STAU2: variants seen among roughly 807,000 people sequenced by gnomAD.
STAU2 encodes double-stranded RNA-binding protein Staufen homolog 2.
STAU2 carries 20 observed loss-of-function variants against 65.9 expected under a neutral mutation model. The ratio of observed to expected loss-of-function variants is 0.30; its 90% CI spans 0.21 to 0.44. STAU2 has a LOEUF of 0.44. Ranked by LOEUF, STAU2 falls within the 20% of genes least tolerant of loss-of-function variation. STAU2 has a pLI of 1.00. For synonymous variants in STAU2, 232 were observed against 233.9 expected, an observed-to-expected ratio of 0.99 and a Z score of 0.07; for missense variants, 558 against 683.9, an observed-to-expected ratio of 0.82 and a Z score of 2.05.
intron 5 of STAU2, among the ~76,000 whole-genome samples, chr8:73,676,783 T>C (rs911329849): frequency 6.6e-6 from 1 of 151,986 alleles, no homozygotes; most frequent in African/African-American, 2.4e-5. Flanking sequence ...TTTAGTAAAG[T>C]TGGGGTTTCA....
At chr8:73,608,868 T>TA (rs1394447319) in intron 9 of STAU2, among the ~76,000 whole-genome samples, 1 of 150,930 alleles carries the variant, frequency 6.6e-6, no homozygotes, top group Non-Finnish European at 1.5e-5. Context: ...TGGGCACCTG[T>TA]AATCCCAGCT....
intron 13 of STAU2, among the ~76,000 whole-genome samples, chr8:73,508,335 TTG>T (rs764006803): frequency 1.4e-3 from 207 of 152,212 alleles, no homozygotes; most frequent in Non-Finnish European, 2.4e-3. Context: ...TTCAATATTG[TTG>T]TGTCTCAGGG....
At chr8:73,439,202 G>A in intron 13 of STAU2, 1 of 363,886 alleles carries the variant, frequency 2.7e-6, no homozygotes, top group East Asian at 7.6e-5. Flanking sequence ...GGGAAGACAT[G>A]TGCACAGCTG....
chr8:73,428,524 GCTA>G lies in STAU2; in HGVS notation c.1531-5825_1531-5823del, dbSNP rs59419054. Among the ~76,000 whole-genome samples, 1,078 of 152,256 alleles carry G rather than the reference GCTA, an allele frequency of 7.1e-3. 17 individuals are homozygous for G. The highest frequency in any genetic ancestry group is 0.025 in the African/African-American group (1,037 of 41,536). Reference sequence around the variant, plus strand: ...GATCCCAAAAGCACCATCACAGAGGGCTACTGAGAGCCAGGAAATGGAACTGTG... The same window carrying G: ...GATCCCAAAAGCACCATCACAGAGGGCTGAGAGCCAGGAAATGGAACTGTG... On this transcript the variant is annotated intron_variant, in intron 13 of 14. Coordinates refer to ENST00000524300, the MANE Select transcript of STAU2 (RefSeq NM_001164380.2).
intron 3 of STAU2, among the ~76,000 whole-genome samples, chr8:73,734,560 C>T (rs931304600): frequency 7.9e-5 from 12 of 152,066 alleles, no homozygotes; most frequent in Non-Finnish European, 1.5e-4. Flanking sequence ...CTTTGAAAGG[C>T]CAAGGCAGGC....
intron 12 of STAU2, among the ~76,000 whole-genome samples, chr8:73,582,403 TATAG>T (rs146282928): frequency 0.059 from 8,947 of 150,694 alleles, 294 homozygotes; most frequent in Middle Eastern, 0.12. Context: ...ATAATCAGCT[TATAG>T]ATAATTACTT....
At chr8:73,448,387 A>C (rs1818595026) in intron 13 of STAU2, among the ~76,000 whole-genome samples, 1 of 152,160 alleles carries the variant, frequency 6.6e-6, no homozygotes, top group Non-Finnish European at 1.5e-5. Flanking sequence ...AGGTGCAAGC[A>C]ATTATCTGCC....
intron 13 of STAU2, among the ~76,000 whole-genome samples, chr8:73,546,148 G>GTTTTTTTTTTTTTTTTTTTTTTTTTTTT (rs1563412799): frequency 3.4e-5 from 4 of 116,462 alleles, no homozygotes; most frequent in Non-Finnish European, 3.2e-5. Context: ...TTTTTTTTTG[G>GTTTTTTTTTTTTTTTTTTTTTTTTTTTT]TAGAGACAGA....
chr8:73,486,624 T>TATATAC (rs1458054334), intron 13 of STAU2, among the ~76,000 whole-genome samples: 1 of 144,988 alleles, frequency 6.9e-6, no homozygotes, highest in African/African-American at 2.5e-5. Flanking sequence ...TATATATATA[T>TATATAC]ATACACATTT....
intron 1 of STAU2, among the ~76,000 whole-genome samples, chr8:73,744,661 G>A (rs576167268): frequency 2.6e-5 from 4 of 152,148 alleles, no homozygotes; most frequent in African/African-American, 7.2e-5. Context: ...CTTCATTCCA[G>A]ACAAGCCAAG....
rs559952670 is a variant in STAU2 at position 73,454,406 on chromosome 8, A to G, written c.1531-31704T>C. Among the ~76,000 whole-genome samples the G allele has an allele frequency of 2.0e-5, 3 of 152,328 alleles. No individual in the cohort carries two copies. The East Asian group carries it at 5.8e-4, about 29-fold the overall frequency. ...AATTTTTACAATGTTAAGTGGGCCT[A>G]CCTTCAACTCACATAGTTACTTTTG... On this transcript the variant is annotated intron_variant, in intron 13 of 14. Coordinates refer to ENST00000524300, the MANE Select transcript of STAU2 (RefSeq NM_001164380.2).
intron 13 of STAU2, among the ~76,000 whole-genome samples, chr8:73,457,506 A>G (rs1819131754): frequency 6.6e-6 from 1 of 152,208 alleles, no homozygotes; most frequent in South Asian, 2.1e-4. Flanking sequence ...GTCACAAGGG[A>G]ATTTCATTTT....
chr8:73,549,597 C>G, intron 13 of STAU2: 1 of 968,810 alleles, frequency 1.0e-6, no homozygotes, highest in African/African-American at 1.8e-5. Flanking sequence ...AAAGTTAAAA[C>G]AACTTTGTTT....
intron 2 of STAU2, 140 bp downstream of exon 2, chr8:73,739,616 A>G: frequency 1.5e-6 from 1 of 667,220 alleles, no homozygotes. Context: ...TTTTCTTACA[A>G]TAGTGTCCTC....
intron 6 of STAU2, among the ~76,000 whole-genome samples, chr8:73,644,180 A>C (rs910937770): frequency 6.6e-6 from 1 of 152,380 alleles, no homozygotes; most frequent in Middle Eastern, 3.4e-3. Context: ...CTTCTAAAAT[A>C]ATCCAGGGGT....
chr8:73,449,820 C>T (rs1015505006), intron 13 of STAU2, among the ~76,000 whole-genome samples: 3 of 152,156 alleles, frequency 2.0e-5, no homozygotes, highest in South Asian at 2.1e-4. Flanking sequence ...GGGGGTGAGG[C>T]GGGGAGACAC....
At chr8:73,570,311 G>A (rs1467784384) in intron 12 of STAU2, among the ~76,000 whole-genome samples, 1 of 152,226 alleles carries the variant, frequency 6.6e-6, no homozygotes, top group Admixed American at 6.5e-5. Context: ...ATGGGACTAT[G>A]TGAAAAGACC....
intron 9 of STAU2, among the ~76,000 whole-genome samples, chr8:73,605,103 A>C (rs1811911188): frequency 6.6e-6 from 1 of 152,166 alleles, no homozygotes; most frequent in Non-Finnish European, 1.5e-5. Context: ...TACATGCATC[A>C]AGATGAATGA....
chr8:73,484,384 G>C (rs75120523), intron 13 of STAU2, among the ~76,000 whole-genome samples: 1 of 152,020 alleles, frequency 6.6e-6, no homozygotes, highest in Non-Finnish European at 1.5e-5. Context: ...TATTTCTATC[G>C]CAAGTGACTA....
Sources: allele counts gnomAD v4.1 joint callset (sites outside exome capture counted in the v4.1 genomes callset), GRCh38; gene constraint gnomAD v4.1.1; transcripts MANE v1.5; gene names NCBI Gene and HGNC (gene_info 2026-07-23, HGNC 2026-07-21).